ITGAE: variants seen among roughly 807,000 people sequenced by gnomAD.
ITGAE encodes integrin alpha-E.
Under a neutral mutation model 136.5 loss-of-function variants are expected in ITGAE, and 99 were observed. The observed-to-expected ratio is 0.73, with a 90% CI of 0.62 to 0.86. The LOEUF is 0.86. Among genes scored for constraint, ITGAE ranks in the 40% least tolerant of loss-of-function variants. The pLI, the probability that ITGAE is intolerant of heterozygous loss-of-function variation, is 0.00. For synonymous variants in ITGAE, 613 were observed against 591.8 expected (o/e 1.04, Z -0.52); for missense variants, 1,447 against 1,515.3 (o/e 0.95, Z 0.75).
chr17:3,753,197 A>T (rs1373531570), intron 14 of ITGAE, 93 bp downstream of exon 14: 1 of 1,399,492 alleles, frequency 7.1e-7, no homozygotes, highest in Non-Finnish European at 9.7e-7. Flanking sequence ...CACTGGTGCC[A>T]GGCAGGGCCA....
intron 19 of ITGAE, 39 bp from the exon 20 acceptor site, chr17:3,739,917 G>A (rs747925007): frequency 2.5e-5 from 38 of 1,529,502 alleles, no homozygotes; most frequent in Admixed American, 5.0e-5. Flanking sequence ...CCCAGGCTCC[G>A]CCTTCCCCAG....
intron 19 of ITGAE, among the ~76,000 whole-genome samples, chr17:3,740,938 G>C (rs577733297): frequency 6.6e-6 from 1 of 152,224 alleles, no homozygotes; most frequent in African/African-American, 2.4e-5. Context: ...CCACGGCCTA[G>C]AGGGGGAATG....
At chr17:3,796,069 G>A (rs562197152) in intron 1 of ITGAE, among the ~76,000 whole-genome samples, 1,816 of 134,572 alleles carry the variant, frequency 0.013, 63 homozygotes, top group African/African-American at 0.047. Context: ...GTGCATCCGT[G>A]TTTGTGCATC....
intron 18 of ITGAE, 128 bp downstream of exon 18, chr17:3,745,636 C>T (rs989749775): frequency 1.2e-5 from 11 of 949,146 alleles, no homozygotes; most frequent in African/African-American, 8.3e-5. Flanking sequence ...GCCACCGTGC[C>T]TGGCCTGTTA....
Position 3,753,843 on chromosome 17 carries a change from C to A in ITGAE, c.1467G>T (p.Val489=), listed in dbSNP as rs977649985. ...CTCTGCCCTCCTTCTGGAGCTCAAA[C>A]ACGGCCCCATGATGTTTGTACCGTG... ...GAPRYKHHGA[V]FELQKEGREA... Residue 489 remains valine (V), a synonymous_variant, in exon 13 of 31, where the codon GTG becomes GTT. Transcript: ENST00000263087. 6.2e-7 allele frequency: 1 copy of A among 1,614,190 alleles called. No individual in the cohort carries two copies. The highest frequency in any genetic ancestry group is 1.7e-5 in the Admixed American group (1 of 60,030).
chr17:3,748,444 G>A (rs995453153), intron 16 of ITGAE, among the ~76,000 whole-genome samples: 2 of 152,128 alleles, frequency 1.3e-5, no homozygotes, highest in Non-Finnish European at 2.9e-5. Context: ...AAAATTAGCT[G>A]GGTGTGGTGG....
chr17:3,742,872 G>A (rs1384467460), intron 19 of ITGAE, among the ~76,000 whole-genome samples: 1 of 152,108 alleles, frequency 6.6e-6, no homozygotes, highest in African/African-American at 2.4e-5. Context: ...GGCTGGTATC[G>A]AACTCCTGAC....
rs869087347 is a variant in ITGAE, at chr17:3,721,260, C to CTTTT, written c.3238-862_3238-859dup. Among the ~76,000 whole-genome samples the CTTTT allele has an allele frequency of 7.1e-4, 33 of 46,222 alleles. 2 individuals are homozygous for CTTTT. The highest frequency in any genetic ancestry group is 1.0e-3 in the Non-Finnish European group (28 of 27,668). 30.3% of individuals were successfully genotyped at this position (46,222 alleles called of 152,430 possible). ...TTTTATTTAACGTAAGAGATTTTTCCTTTTTTTTTTTTTTTTTTTTTTTTT... is the reference window on the plus strand; with the variant it reads ...TTTTATTTAACGTAAGAGATTTTTCCTTTTTTTTTTTTTTTTTTTTTTTTTTTTT... On this transcript the variant is annotated intron_variant, in intron 28 of 30. Coordinates refer to ENST00000263087, the MANE Select transcript of ITGAE (RefSeq NM_002208.5).
chr17:3,749,912 A>G (rs923940983), intron 16 of ITGAE, among the ~76,000 whole-genome samples: 4 of 152,036 alleles, frequency 2.6e-5, no homozygotes, highest in African/African-American at 4.8e-5. Flanking sequence ...GCTCCTCAGG[A>G]GGCTGAGGCA....
intron 8 of ITGAE, 108 bp from the exon 9 acceptor site, chr17:3,757,967 C>T: frequency 1.5e-6 from 2 of 1,325,532 alleles, no homozygotes; most frequent in Non-Finnish European, 2.1e-6. Flanking sequence ...GGTTCACAAT[C>T]CTCCCGAAAG....
intron 15 of ITGAE, 78 bp downstream of exon 15, chr17:3,751,572 C>T (rs534833253): frequency 4.1e-5 from 56 of 1,373,354 alleles, no homozygotes; most frequent in Admixed American, 1.7e-4. Context: ...GGACTGAAGC[C>T]GACTTGGGGC....
At position 3,753,911 on chromosome 17, in the gene ITGAE, C is replaced by A. The variant is rs754058055; in HGVS notation, c.1399G>T (p.Val467Leu). The A allele has an allele frequency of 1.9e-6, 3 of 1,614,040 alleles. No homozygotes were observed. Among genetic ancestry groups the A allele is most frequent in the Middle Eastern group, 1.7e-4 (1 of 6,056 alleles). ...GAGAGGCTGCAGGTCTTGTGCAGCA[C>A]GGCCACAGCGTAACCTGGGGCAAGG... The part of the protein sequence containing the change: ...QYSYLGYAVA[V>L]LHKTCSLSYI... Residue 467 changes from valine to leucine, a missense_variant, in exon 13 of 31, where the codon GTG becomes TTG. By Grantham distance (32) the Val-to-Leu change is conservative (BLOSUM62 1). Coordinates refer to ENST00000263087, the MANE Select transcript of ITGAE (RefSeq NM_002208.5).
In ITGAE at chr17:3,726,063, C is replaced by G. The variant is rs559414438; in HGVS notation, c.3084+1856G>C. On this transcript the variant is annotated intron_variant, in intron 26 of 30. Coordinates refer to ENST00000263087, the MANE Select transcript of ITGAE (RefSeq NM_002208.5). ...CTGTGACGTTTCCATGGATGAGGAC[C>G]TGTTTACCGGTGACGGTGACTACCA... The G allele has an allele frequency of 1.1e-5, 17 of 1,614,194 alleles. No homozygotes were observed. In the Admixed American group the frequency reaches 1.5e-4, roughly 14 times the overall value.
At chr17:3,752,006 C>T (rs1597332528) in intron 14 of ITGAE, 132 bp from the exon 15 acceptor site, 7 of 748,444 alleles carry the variant, frequency 9.4e-6, no homozygotes, top group East Asian at 5.5e-5. Flanking sequence ...CTCGCTGGGC[C>T]GGTGGGTTCC....
chr17:3,791,103 A>G (rs892441860), intron 1 of ITGAE, among the ~76,000 whole-genome samples: 1 of 148,706 alleles, frequency 6.7e-6, no homozygotes, highest in East Asian at 2.0e-4. Flanking sequence ...TGCAGTGAGC[A>G]GAGATCGCGC....
rs1208333239 is a variant in ITGAE, at chr17:3,760,430, CTTTTTTTTT to C, written c.599-152_599-144del. ...GTTGGAGAAGCTCCCAAGAGGGAAG[CTTTTTTTTT>C]TTTTTTTTTTTTTTTTTTGAGACAG... On this transcript the variant is annotated intron_variant, in intron 6 of 30. Coordinates refer to ENST00000263087, the MANE Select transcript of ITGAE (RefSeq NM_002208.5). The C allele has an allele frequency of 3.3e-4, 21 of 64,220 alleles. 1 individual carries two copies. The highest frequency in any genetic ancestry group is 7.4e-4 in the Admixed American group (3 of 4,048). 4.0% of individuals were successfully genotyped at this position (64,220 alleles called of 1,614,324 possible). A position where few individuals can be genotyped will look rare whatever the true frequency, so the allele number is the denominator to read the frequency against.
Position 3,745,776 on chromosome 17 carries a change from G to T in ITGAE, c.2307C>A (p.Pro769=), listed in dbSNP as rs201726050. ...CTCCGTCACTTACCTCTCCCTCTGT[G>T]GGCATGAGCAGGAGGTCCTCACAAA... ...SQLCEDLLLM[P]TEGELCEEDC... is the part of the protein sequence containing the mutation. The change falls in exon 18 of 31, where the codon CCC becomes CCA. Residue 769 remains proline (P), a synonymous_variant. Transcript: ENST00000263087. 6.2e-6 allele frequency: 10 copies of T among 1,613,914 alleles called. No individual in the cohort carries two copies. In the East Asian group the frequency reaches 1.8e-4, roughly 29 times the overall value.
Position 3,726,162 on chromosome 17 carries a change from C to A in ITGAE, c.3084+1757G>T, listed in dbSNP as rs918725344. 3 of 1,614,010 alleles carry A rather than the reference C, an allele frequency of 1.9e-6. No individual in the cohort carries two copies. The highest frequency in any genetic ancestry group is 1.3e-5 in the African/African-American group (1 of 74,904). ...TGAATATCACCCTTATAGTAATGTG[C>A]TCTGGTTACATTACCTGACAGACAA... On this transcript the variant is annotated intron_variant, in intron 26 of 30. Coordinates refer to ENST00000263087, the MANE Select transcript of ITGAE (RefSeq NM_002208.5).
intron 1 of ITGAE, among the ~76,000 whole-genome samples, chr17:3,796,427 C>T (rs900533584): frequency 5.3e-5 from 8 of 152,142 alleles, no homozygotes; most frequent in Non-Finnish European, 1.2e-4. Flanking sequence ...GCCTTGGAGT[C>T]ACTGAAGGAC....
Sources: gnomAD v4.1 joint callset for allele counts (sites outside exome capture counted in the v4.1 genomes callset) on GRCh38, gnomAD v4.1.1 for gene constraint, MANE v1.5 for transcripts, NCBI Gene and HGNC (gene_info 2026-07-23, HGNC 2026-07-21) for gene names.